ZNF407: variants seen among roughly 807,000 people sequenced by gnomAD.
The protein encoded by ZNF407 is zinc finger protein 407.
A neutral mutation model predicts 131.2 loss-of-function variants in ZNF407; 17 were observed. The observed-to-expected ratio is 0.13, with a 90% CI of 0.09 to 0.19. The LOEUF is 0.19. Among genes scored for constraint, ZNF407 ranks in the 10% least tolerant of loss-of-function variants. ZNF407 has a pLI of 1.00. For synonymous variants in ZNF407, 1,156 were observed against 1,062.0 expected (o/e 1.09, Z -1.72); for missense variants, 2,681 against 2,830.6 (o/e 0.95, Z 1.20).
intron 3 of ZNF407, among the ~76,000 whole-genome samples, chr18:74,767,104 GT>G (rs2144989213): frequency 6.6e-6 from 1 of 152,176 alleles, no homozygotes; most frequent in South Asian, 2.1e-4. Flanking sequence ...TAGAGACAGG[GT>G]TTTGCCATGT....
chr18:74,774,560 T>C (rs1005845237), intron 3 of ZNF407, among the ~76,000 whole-genome samples: 1 of 152,344 alleles, frequency 6.6e-6, no homozygotes, highest in East Asian at 1.9e-4. Flanking sequence ...TCGTAGGTGA[T>C]GTTCTTGCCA....
chr18:74,897,222 C>G (rs1489332995), intron 7 of ZNF407, among the ~76,000 whole-genome samples: 1 of 152,128 alleles, frequency 6.6e-6, no homozygotes, highest in Non-Finnish European at 1.5e-5. Flanking sequence ...ATCTTACAAA[C>G]TTGAAAACAA....
chr18:74,679,107 TA>T (rs1402628612), intron 3 of ZNF407, among the ~76,000 whole-genome samples: 2 of 152,174 alleles, frequency 1.3e-5, no homozygotes, highest in African/African-American at 2.4e-5. Context: ...TATTGTCAGC[TA>T]AAAGAATAGT....
Position 75,064,438 on chromosome 18 carries a change from A to G in ZNF407, c.6717A>G (p.Gln2239=). ...GSSAAAAIQS[Q]RESSELQEA is the part of the protein sequence containing the mutation. ...CGGCCGCGGCGGCAATTCAGAGCCA[A>G]AGAGAAAGCAGCGAACTCCAGGAAG... Residue 2239 remains glutamine, a synonymous_variant, in exon 9 of 9, where the codon CAA becomes CAG. Transcript: ENST00000299687. 1 of 1,506,884 alleles carries G rather than the reference A, an allele frequency of 6.6e-7. No homozygotes were observed. The highest frequency in any genetic ancestry group is 1.3e-5 in the South Asian group (1 of 77,496). 93.3% of individuals were successfully genotyped at this position (1,506,884 alleles called of 1,614,324 possible).
At chr18:74,799,909 T>TTC (rs1053011844) in intron 4 of ZNF407, among the ~76,000 whole-genome samples, 2 of 151,716 alleles carry the variant, frequency 1.3e-5, no homozygotes, top group African/African-American at 4.8e-5. Context: ...AATCCTTTTT[T>TTC]TTTTTTTTTT....
At chr18:74,644,979 A>C (rs951834266) in intron 3 of ZNF407, among the ~76,000 whole-genome samples, 20 of 151,976 alleles carry the variant, frequency 1.3e-4, no homozygotes, top group African/African-American at 4.3e-4. Flanking sequence ...CATTTTTTTA[A>C]AAAATTGCTT....
At chr18:74,936,559 C>T (rs1972042231) in intron 8 of ZNF407, among the ~76,000 whole-genome samples, 1 of 152,212 alleles carries the variant, frequency 6.6e-6, no homozygotes, top group Admixed American at 6.5e-5. Context: ...CTGTGCCCAC[C>T]TCCTGAGAAA....
intron 8 of ZNF407, among the ~76,000 whole-genome samples, chr18:74,997,773 C>T (rs1196834975): frequency 1.3e-5 from 2 of 152,170 alleles, no homozygotes; most frequent in Non-Finnish European, 2.9e-5. Context: ...TGCTCTTCTT[C>T]TTCCTGCGTA....
At chr18:74,996,692 A>G (rs542206773) in intron 8 of ZNF407, among the ~76,000 whole-genome samples, 2 of 152,374 alleles carry the variant, frequency 1.3e-5, no homozygotes, top group South Asian at 4.1e-4. Context: ...AGAAAGAGGA[A>G]AGGAAAGTAA....
At chr18:74,968,573 C>T (rs1755551397) in intron 8 of ZNF407, among the ~76,000 whole-genome samples, 1 of 152,204 alleles carries the variant, frequency 6.6e-6, no homozygotes. Flanking sequence ...AGACAGGACT[C>T]ACAGTTAACG....
chr18:74,803,449 A>C (rs1970056201), intron 4 of ZNF407, among the ~76,000 whole-genome samples: 1 of 152,158 alleles, frequency 6.6e-6, no homozygotes, highest in African/African-American at 2.4e-5. Context: ...GGCATCTAGA[A>C]TGTGTCTGTG....
chr18:74,602,675 A>G (rs141823685), intron 1 of ZNF407, among the ~76,000 whole-genome samples: 2 of 152,326 alleles, frequency 1.3e-5, no homozygotes, highest in East Asian at 3.9e-4. Context: ...CGACACAGCT[A>G]TTAAATGGTA....
In ZNF407 at chr18:74,726,584, A is replaced by T. The variant is rs116959287; in HGVS notation, c.4803-54844A>T. Among the ~76,000 whole-genome samples the T allele has an allele frequency of 2.1e-3, 323 of 152,350 alleles. 2 individuals carry two copies. The highest frequency in any genetic ancestry group is 3.1e-3 in the Non-Finnish European group (209 of 68,034). On this transcript the variant is annotated intron_variant, in intron 3 of 8. Coordinates refer to ENST00000299687, the MANE Select transcript of ZNF407 (RefSeq NM_017757.3). ...AATTTACACATGAAGGAATTTCATT[A>T]ACATGCCTTGTTTTGCTACCAATGA...
At chr18:74,802,624 T>A (rs1389200083) in intron 4 of ZNF407, among the ~76,000 whole-genome samples, 2 of 152,234 alleles carry the variant, frequency 1.3e-5, no homozygotes, top group East Asian at 3.8e-4. Flanking sequence ...TTTCTCTTAC[T>A]CTTCCTTTTT....
intron 3 of ZNF407, among the ~76,000 whole-genome samples, chr18:74,721,421 G>A (rs193054696): frequency 6.6e-4 from 101 of 152,224 alleles, no homozygotes; most frequent in Non-Finnish European, 1.1e-3. Flanking sequence ...AATAAGTGGC[G>A]TCCAAATTGA....
chr18:74,710,323 G>A (rs373307613), intron 3 of ZNF407, among the ~76,000 whole-genome samples: 1 of 152,096 alleles, frequency 6.6e-6, no homozygotes, highest in Non-Finnish European at 1.5e-5. Context: ...TCTCATGTAG[G>A]GGTATTGACT....
intron 3 of ZNF407, among the ~76,000 whole-genome samples, chr18:74,672,765 T>A (rs1340102121): frequency 1.3e-5 from 2 of 152,142 alleles, no homozygotes; most frequent in Non-Finnish European, 2.9e-5. Context: ...AGAAAAAACT[T>A]TGGGAAAGTA....
intron 8 of ZNF407, among the ~76,000 whole-genome samples, chr18:75,025,693 C>T (rs1973162997): frequency 6.6e-6 from 1 of 152,160 alleles, no homozygotes; most frequent in African/African-American, 2.4e-5. Flanking sequence ...GAACAAAGAG[C>T]TGCTTTTAAA....
intron 4 of ZNF407, among the ~76,000 whole-genome samples, chr18:74,865,330 A>G (rs964431163): frequency 2.0e-5 from 3 of 152,240 alleles, no homozygotes; most frequent in Admixed American, 2.0e-4. Flanking sequence ...TTTTATCATA[A>G]TATCTAAACT....
Sources: allele counts gnomAD v4.1 joint callset (sites outside exome capture counted in the v4.1 genomes callset), GRCh38; gene constraint gnomAD v4.1.1; transcripts MANE v1.5; gene names NCBI Gene and HGNC (gene_info 2026-07-23, HGNC 2026-07-21).